Variants in ADRA1B observed in about 807,000 individuals in gnomAD.
ADRA1B encodes the protein alpha-1B adrenergic receptor.
Under a neutral mutation model 17.9 loss-of-function variants are expected in ADRA1B, and 17 were observed. The observed-to-expected ratio is 0.95, with a 90% CI of 0.65 to 1.42. The LOEUF is 1.42. ADRA1B is among the 40% of genes most tolerant of loss of function. The pLI is 0.00. For missense variants in ADRA1B, 681 were observed against 722.1 expected, an observed-to-expected ratio of 0.94 and a Z score of 0.65; for synonymous variants, 366 against 327.6, an observed-to-expected ratio of 1.12 and a Z score of -1.27.
chr5:159,915,612 C>T (rs1026994999), upstream of ADRA1B, among the ~76,000 whole-genome samples: 4 of 152,138 alleles, frequency 2.6e-5, no homozygotes, highest in African/African-American at 9.7e-5. Context: ...CTCTGACCTC[C>T]CTCACCCCCA....
At chr5:159,880,601 C>T (rs551599506) in intron 1 of ADRA1B, among the ~76,000 whole-genome samples, 1 of 152,192 alleles carries the variant, frequency 6.6e-6, no homozygotes, top group Non-Finnish European at 1.5e-5. Context: ...GTAGGAGAAA[C>T]TCAACTCTCA....
At chr5:159,954,134 G>A (rs1044523164) in intron 1 of ADRA1B, among the ~76,000 whole-genome samples, 20 of 152,160 alleles carry the variant, frequency 1.3e-4, no homozygotes, top group Admixed American at 7.2e-4. Flanking sequence ...GGGGGTCAGC[G>A]AGATCCGCAT....
intron 1 of ADRA1B, among the ~76,000 whole-genome samples, chr5:159,943,912 T>TCACACACACACA (rs70987984): frequency 2.0e-5 from 3 of 147,442 alleles, no homozygotes; most frequent in Non-Finnish European, 4.5e-5. Context: ...TCTGTCTCTC[T>TCACACACACACA]CACACACACA....
At position 159,917,538 on chromosome 5, in the gene ADRA1B, C is replaced by T. The variant is rs1224298383; in HGVS notation, c.633C>T (p.Ser211=). 1.2e-6 allele frequency: 2 copies of T among 1,614,094 alleles called. No individual in the cohort carries two copies. Among genetic ancestry groups the T allele is most frequent in the African/African-American group, 1.3e-5 (1 of 75,036 alleles). Residue 211 remains serine, a synonymous_variant, in exon 1 of 2, where the codon TCC becomes TCT. Coordinates refer to ENST00000306675, the MANE Select transcript of ADRA1B (RefSeq NM_000679.4). ...PFYALFSSLG[S]FYIPLAVILV... is the part of the protein sequence containing the mutation. ...ATGCCCTCTTCTCCTCTCTGGGCTC[C>T]TTCTACATCCCTCTGGCGGTCATTC... is the stretch of plus-strand genomic sequence containing the variant.
intron 1 of ADRA1B, among the ~76,000 whole-genome samples, chr5:159,892,573 G>A (rs890617525): frequency 1.3e-5 from 2 of 152,176 alleles, no homozygotes; most frequent in African/African-American, 2.4e-5. Flanking sequence ...TTGTAAGTGA[G>A]AACATGTGGT....
intron 1 of ADRA1B, among the ~76,000 whole-genome samples, chr5:159,965,932 T>A (rs75932556): frequency 0.012 from 1,821 of 152,200 alleles, 25 homozygotes; most frequent in Middle Eastern, 0.024. Flanking sequence ...CAAGCGAGCA[T>A]TTTGGCTAAT....
At chr5:159,911,391 C>T (rs1202816485) in intron 1 of ADRA1B, among the ~76,000 whole-genome samples, 1 of 152,188 alleles carries the variant, frequency 6.6e-6, no homozygotes, top group Non-Finnish European at 1.5e-5. Context: ...CTTTCGGATT[C>T]TCCGTCCGGC....
chr5:159,952,547 G>C (rs935977065), intron 1 of ADRA1B, among the ~76,000 whole-genome samples: 1 of 152,192 alleles, frequency 6.6e-6, no homozygotes, highest in African/African-American at 2.4e-5. Context: ...GAGAGCAGGA[G>C]CTCATGGGTT....
intron 1 of ADRA1B, among the ~76,000 whole-genome samples, chr5:159,904,614 G>A (rs182224260): frequency 7.9e-4 from 121 of 152,276 alleles, no homozygotes; most frequent in African/African-American, 2.8e-3. Flanking sequence ...TAGCATTACT[G>A]AGTGAGCCTA....
chr5:159,901,836 T>TA (rs5872622), intron 1 of ADRA1B, among the ~76,000 whole-genome samples: 3,547 of 152,192 alleles, frequency 0.023, 141 homozygotes, highest in African/African-American at 0.081. Flanking sequence ...TGGTCACTAT[T>TA]AAAAAACAAT....
rs1230948697 is a variant in ADRA1B at position 159,916,767 on chromosome 5, G to A, written c.-139G>A. The A allele has an allele frequency of 5.7e-5, 45 of 789,002 alleles. No homozygotes were observed. The East Asian group carries it at 1.2e-3, about 21-fold the overall frequency. 48.9% of individuals were successfully genotyped at this position (789,002 alleles called of 1,614,324 possible). On this transcript the variant is annotated 5_prime_UTR_variant, in exon 1 of 2. Coordinates refer to ENST00000306675, the MANE Select transcript of ADRA1B (RefSeq NM_000679.4). ...ACGTGCTGCCGGGCTGGGCTGCCCGGGGGAGATGACTCCTCGCCAGGAGGG... is the reference window on the plus strand; with the variant it reads ...ACGTGCTGCCGGGCTGGGCTGCCCGAGGGAGATGACTCCTCGCCAGGAGGG...
chr5:159,976,438 T>C (rs1215707521), downstream of ADRA1B, among the ~76,000 whole-genome samples: 1 of 151,908 alleles, frequency 6.6e-6, no homozygotes, highest in Non-Finnish European at 1.5e-5. Flanking sequence ...TCATTTGAGG[T>C]GGGTGGATCA....
chr5:159,887,462 C>T (rs773446717), intron 1 of ADRA1B, among the ~76,000 whole-genome samples: 3 of 152,206 alleles, frequency 2.0e-5, no homozygotes, highest in South Asian at 4.1e-4. Context: ...ATTCAAATAT[C>T]TCCCCAGGAT....
In ADRA1B at chr5:159,972,279, CG is replaced by C; in HGVS notation, c.1352del (p.Gly451AlafsTer4). On this transcript the variant is annotated frameshift_variant, in exon 2 of 2. Transcript: ENST00000306675. LOFTEE classifies it low-confidence loss of function (END_TRUNC). Reference protein sequence around the residue: ...LCAFPEWKAPGALLSLPAPEP... With the variant: ...LCAFPEWKAPXALLSLPAPEP... ...GCGCCTTCCCCGAGTGGAAGGCGCCCGGCGCCCTCCTGAGCCTGCCCGCGCC... is the reference window on the plus strand; with the variant it reads ...GCGCCTTCCCCGAGTGGAAGGCGCCCGCGCCCTCCTGAGCCTGCCCGCGCC... 1 of 1,368,436 alleles carries C rather than the reference CG, an allele frequency of 7.3e-7. No individual in the cohort carries two copies. The highest frequency in any genetic ancestry group is 1.7e-5 in the South Asian group (1 of 60,392). The allele number at this position is 1,368,436 out of a possible 1,614,324, so 84.8% of individuals were successfully genotyped here.
intron 1 of ADRA1B, among the ~76,000 whole-genome samples, chr5:159,933,631 C>T (rs1754873056): frequency 1.3e-5 from 2 of 152,204 alleles, no homozygotes; most frequent in Admixed American, 6.5e-5. Flanking sequence ...GGATGCAACA[C>T]CCATCCATCA....
chr5:159,921,079 G>A (rs1331339290), intron 1 of ADRA1B, among the ~76,000 whole-genome samples: 1 of 152,220 alleles, frequency 6.6e-6, no homozygotes, highest in South Asian at 2.1e-4. Context: ...ACAGGATCCT[G>A]TTCAGGGGCC....
At chr5:159,912,021 T>C (rs1419272631), upstream of ADRA1B, among the ~76,000 whole-genome samples, 1 of 152,176 alleles carries the variant, frequency 6.6e-6, no homozygotes, top group Non-Finnish European at 1.5e-5. Flanking sequence ...AGTACCTACC[T>C]CATAATGTTA....
chr5:159,940,070 A>G (rs1288745931), intron 1 of ADRA1B, among the ~76,000 whole-genome samples: 1 of 152,246 alleles, frequency 6.6e-6, no homozygotes, highest in Non-Finnish European at 1.5e-5. Context: ...AAATCTGATC[A>G]GAGCTGTGAA....
intron 1 of ADRA1B, among the ~76,000 whole-genome samples, chr5:159,890,240 C>G (rs1297375906): frequency 6.6e-6 from 1 of 152,172 alleles, no homozygotes; most frequent in East Asian, 1.9e-4. Flanking sequence ...CCAGGAAGCA[C>G]TGTCAGAAAT....
Sources: allele counts gnomAD v4.1 joint callset (sites outside exome capture counted in the v4.1 genomes callset), GRCh38; gene constraint gnomAD v4.1.1; transcripts MANE v1.5; gene names NCBI Gene and HGNC (gene_info 2026-07-23, HGNC 2026-07-21).